KLC2: variants seen among roughly 807,000 people sequenced by gnomAD.
KLC2 encodes kinesin light chain 2, also known as KLC 2.
KLC2 carries 35 observed loss-of-function variants against 75.1 expected under a neutral mutation model. The ratio of observed to expected loss-of-function variants is 0.47; its 90% CI spans 0.36 to 0.62. KLC2 has a LOEUF of 0.62. Ranked by LOEUF, KLC2 falls within the 20% of genes least tolerant of loss-of-function variation. KLC2 has a pLI of 0.00. For missense variants in KLC2, 611 were observed against 833.2 expected, an observed-to-expected ratio of 0.73 and a Z score of 3.28; for synonymous variants, 314 against 336.7, an observed-to-expected ratio of 0.93 and a Z score of 0.74.
chr11:66,262,758 C>A, intron 4 of KLC2, 56 bp from the exon 5 acceptor site: 1 of 1,319,358 alleles, frequency 7.6e-7, no homozygotes, highest in Non-Finnish European at 1.1e-6. Flanking sequence ...CTGGCATGTG[C>A]CATCCCAGTC....
At chr11:66,254,124 A>C (rs2134777030), upstream of KLC2, among the ~76,000 whole-genome samples, 1 of 152,292 alleles carries the variant, frequency 6.6e-6, no homozygotes, top group South Asian at 2.1e-4. Flanking sequence ...CGGGAGGCTG[A>C]GGCAGGAGAA....
chr11:66,252,509 C>T (rs1371491841), upstream of KLC2, among the ~76,000 whole-genome samples: 3 of 122,578 alleles, frequency 2.4e-5, no homozygotes, highest in Admixed American at 1.6e-4. Context: ...GTGATCCCCC[C>T]GCCTCGGCCT....
In KLC2 at chr11:66,264,374, C is replaced by G; in HGVS notation, c.1146C>G (p.Tyr382Ter). 1 of 1,613,480 alleles carries G rather than the reference C, an allele frequency of 6.2e-7. No individual in the cohort carries two copies. Among genetic ancestry groups the G allele is most frequent in the Non-Finnish European group, 8.5e-7 (1 of 1,179,724 alleles). ...CCTGCTACCTGAAGCAGGGCAAGTACCAGGATGCGGAGACCTTGTACAAGG... is the reference window on the plus strand; with the variant it reads ...CCTGCTACCTGAAGCAGGGCAAGTAGCAGGATGCGGAGACCTTGTACAAGG... ...LASCYLKQGK[Y>*]QDAETLYKEI... Residue 382 changes from tyrosine (Y) to a stop codon, truncating the protein, a stop_gained, in exon 9 of 16, where the codon TAC (tyrosine) becomes TAG (stop). Coordinates refer to ENST00000394067, the MANE Select transcript of KLC2 (RefSeq NM_001318734.2). LOFTEE classifies it high-confidence loss of function.
intron 14 of KLC2, 62 bp from the exon 15 acceptor site, chr11:66,266,371 C>G: frequency 7.5e-7 from 1 of 1,336,282 alleles, no homozygotes; most frequent in Non-Finnish European, 1.1e-6. Context: ...CCACCCTTCT[C>G]CCTGCCCCCA....
At chr11:66,253,436 G>A (rs1855979519), upstream of KLC2, among the ~76,000 whole-genome samples, 1 of 152,230 alleles carries the variant, frequency 6.6e-6, no homozygotes, top group Non-Finnish European at 1.5e-5. Flanking sequence ...AGAAGTGGGA[G>A]TGATTTTCAG....
At position 66,263,020 on chromosome 11, in the gene KLC2, C is replaced by A. The variant is rs751921291; in HGVS notation, c.736C>A (p.Leu246Met). The stretch of plus-strand genomic sequence containing the variant: ...TGACGTTGCCACCATGCTGAACATC[C>A]TGGCACTGGTCTATCGGTGAGGACT... ...HPDVATMLNILALVYRDQNKY... is the reference protein window; with the variant it reads ...HPDVATMLNIMALVYRDQNKY... Residue 246 changes from leucine to methionine, a missense_variant, in exon 5 of 16, where the codon CTG becomes ATG. Coordinates refer to ENST00000394067, the MANE Select transcript of KLC2 (RefSeq NM_001318734.2). 1.2e-6 allele frequency: 2 copies of A among 1,613,416 alleles called. No homozygotes were observed. The highest frequency in any genetic ancestry group is 1.7e-6 in the Non-Finnish European group (2 of 1,179,482).
chr11:66,265,150 G>A lies in KLC2; in HGVS notation c.1267-18G>A, dbSNP rs1856724887. On this transcript the variant is annotated intron_variant, in intron 10 of 15. Coordinates refer to ENST00000394067, the MANE Select transcript of KLC2 (RefSeq NM_001318734.2). Reference sequence around the variant, plus strand: ...AGGGGGGCCTGCTCTCACTTCTTGTGACCATTCTTTCCTCCAGGATAAGCG... The same window carrying A: ...AGGGGGGCCTGCTCTCACTTCTTGTAACCATTCTTTCCTCCAGGATAAGCG... 6.2e-7 allele frequency: 1 copy of A among 1,607,586 alleles called. No homozygotes were observed. The highest frequency in any genetic ancestry group is 1.7e-5 in the Admixed American group (1 of 59,830).
At chr11:66,245,219 C>T in the KLC2 span, 8 of 152,192 alleles carry the variant, frequency 5.3e-5, no homozygotes, top group Non-Finnish European at 1.2e-4. Flanking sequence ...CCTGGGTGCC[C>T]GGTTTTTCCA....
rs768755259 is a variant in KLC2, at chr11:66,258,837, G to A, written c.228+15G>A. ...GGGAGGCCCAGGTAGGTCAGTCTGG[G>A]GCACTGAGGTGGGAGGTCACTGGAG... On this transcript the variant is annotated intron_variant, in intron 2 of 15. Coordinates refer to ENST00000394067, the MANE Select transcript of KLC2 (RefSeq NM_001318734.2). 16 of 1,580,978 alleles carry A rather than the reference G, an allele frequency of 1.0e-5. No homozygotes were observed. Among genetic ancestry groups the A allele is most frequent in the Non-Finnish European group, 1.3e-5 (15 of 1,153,574 alleles).
At position 66,262,646 on chromosome 11, in the gene KLC2, T is replaced by C; in HGVS notation, c.530-168T>C. On this transcript the variant is annotated intron_variant, in intron 4 of 15. Coordinates refer to ENST00000394067, the MANE Select transcript of KLC2 (RefSeq NM_001318734.2). ...GTACTGGAGCTGGGCCTCTACCCCC[T>C]CTTTCTATGGGGTAACTAGACCCAT... is the stretch of plus-strand genomic sequence containing the variant. 1.8e-5 allele frequency: 11 copies of C among 605,538 alleles called. No homozygotes were observed. The South Asian group carries it at 2.0e-4, about 11-fold the overall frequency. 37.5% of individuals were successfully genotyped at this position (605,538 alleles called of 1,614,324 possible). A position where few individuals can be genotyped will look rare whatever the true frequency, so the allele number is the denominator to read the frequency against.
At chr11:66,255,163 CA>C (rs1474078311), upstream of KLC2, among the ~76,000 whole-genome samples, 2 of 152,172 alleles carry the variant, frequency 1.3e-5, no homozygotes, top group African/African-American at 4.8e-5. Context: ...GCAGACTTAC[CA>C]AAATGCAATC....
chr11:66,258,501 G>A lies in KLC2; in HGVS notation c.-11-83G>A, dbSNP rs530590542. ...CACACGGGAGACTCAGGCGTCCGGGGACCGCCTGTTTACCTAATCCGGGGC... is the reference window on the plus strand; with the variant it reads ...CACACGGGAGACTCAGGCGTCCGGGAACCGCCTGTTTACCTAATCCGGGGC... On this transcript the variant is annotated intron_variant, in intron 1 of 15. Coordinates refer to ENST00000394067, the MANE Select transcript of KLC2 (RefSeq NM_001318734.2). 6.4e-4 allele frequency: 588 copies of A among 915,528 alleles called. 1 individual carries two copies. The highest frequency in any genetic ancestry group is 9.7e-4 in the Non-Finnish European group (569 of 586,506). 56.7% of individuals were successfully genotyped at this position (915,528 alleles called of 1,614,324 possible).
the KLC2 span, among the ~76,000 whole-genome samples, chr11:66,251,169 A>AAT: frequency 6.6e-6 from 1 of 152,190 alleles, no homozygotes; most frequent in Non-Finnish European, 1.5e-5. Context: ...TAAGAGGTTG[A>AAT]ATTAATAGGT....
At chr11:66,266,238 A>C in intron 14 of KLC2, 21 bp downstream of exon 14, 1 of 1,584,476 alleles carries the variant, frequency 6.3e-7, no homozygotes, top group Non-Finnish European at 8.6e-7. Flanking sequence ...CACCAAGGTG[A>C]GCCTCAAGAA....
chr11:66,247,763 C>T, the KLC2 span, among the ~76,000 whole-genome samples: 1 of 152,158 alleles, frequency 6.6e-6, no homozygotes. Context: ...TACTGCTTGG[C>T]CCATCACAGG....
At position 66,265,947 on chromosome 11, in the gene KLC2, G is replaced by A. The variant is rs1420871013; in HGVS notation, c.1537G>A (p.Gly513Arg). 7 of 1,600,282 alleles carry A rather than the reference G, an allele frequency of 4.4e-6. No individual in the cohort carries two copies. Among genetic ancestry groups the A allele is most frequent in the Non-Finnish European group, 6.0e-6 (7 of 1,171,026 alleles). ...GDRRSSRDMA[G>R]GAGPRSESDL... ...CCGCCGCAGCAGCCGAGACATGGCTGGGGGTGCCGGGCCTCGGTCTGAGTC... is the reference window on the plus strand; with the variant it reads ...CCGCCGCAGCAGCCGAGACATGGCTAGGGGTGCCGGGCCTCGGTCTGAGTC... Residue 513 changes from glycine (G) to arginine (R), a missense_variant, in exon 13 of 16, where the codon GGG becomes AGG. Transcript: ENST00000394067.
the KLC2 span, among the ~76,000 whole-genome samples, chr11:66,245,714 C>CAAA: frequency 1.6e-5 from 2 of 128,818 alleles, no homozygotes; most frequent in South Asian, 2.5e-4. Flanking sequence ...GACTCCGTCT[C>CAAA]AAAAAAAAAA....
At position 66,261,849 on chromosome 11, in the gene KLC2, G is replaced by A. The variant is rs564891235; in HGVS notation, c.336G>A (p.Glu112=). Residue 112 remains glutamate (E), a synonymous_variant, in exon 3 of 16, where the codon GAG becomes GAA. Transcript: ENST00000394067. ...LVQENQWLRE[E]LAGTQQKLQR... ...AGGAGAACCAGTGGCTGCGTGAGGA[G>A]CTGGCGGGGACACAGCAGAAGCTGC... The A allele has an allele frequency of 6.2e-7, 1 of 1,613,972 alleles. No individual in the cohort carries two copies. Among genetic ancestry groups the A allele is most frequent in the Non-Finnish European group, 8.5e-7 (1 of 1,179,988 alleles).
At chr11:66,264,984 T>C in intron 9 of KLC2, 39 bp from the exon 10 acceptor site, 1 of 1,607,634 alleles carries the variant, frequency 6.2e-7, no homozygotes, top group Non-Finnish European at 8.5e-7. Flanking sequence ...AGGTGAGACC[T>C]ATATGGTAGG....
Sources: allele counts gnomAD v4.1 joint callset (sites outside exome capture counted in the v4.1 genomes callset), GRCh38; gene constraint gnomAD v4.1.1; transcripts MANE v1.5; gene names NCBI Gene and HGNC (gene_info 2026-07-23, HGNC 2026-07-21).